HIPK1: variants seen among roughly 807,000 people sequenced by gnomAD.
HIPK1 encodes homeodomain-interacting protein kinase 1.
HIPK1 carries 28 observed loss-of-function variants against 117.1 expected under a neutral mutation model. The ratio of observed to expected loss-of-function variants is 0.24; its 90% confidence interval spans 0.18 to 0.33. The LOEUF (loss-of-function observed/expected upper bound fraction) is 0.33. Ranked by LOEUF, HIPK1 falls within the 10% of genes least tolerant of loss-of-function variation. The pLI, the probability that HIPK1 is intolerant of heterozygous loss-of-function variation, is 1.00. For missense variants in HIPK1, 1,122 were observed against 1,475.1 expected (o/e 0.76, Z 3.92); for synonymous variants, 605 against 562.5 (o/e 1.08, Z -1.07).
chr1:113,957,070 G>A, intron 6 of HIPK1, 54 bp from the exon 7 acceptor site: 1 of 1,398,678 alleles, frequency 7.1e-7, no homozygotes, highest in South Asian at 1.2e-5. Flanking sequence ...TGAGTTATTT[G>A]CTGTCTGTTT....
intron 1 of HIPK1, chr1:113,932,107 C>G (rs1669933703): frequency 6.6e-6 from 1 of 152,084 alleles, no homozygotes; most frequent in African/African-American, 2.4e-5. Context: ...TCCTAAATGC[C>G]TAATATATTC....
At chr1:113,949,999 G>A (rs1431362291) in intron 2 of HIPK1, among the ~76,000 whole-genome samples, 2 of 152,160 alleles carry the variant, frequency 1.3e-5, no homozygotes, top group Non-Finnish European at 2.9e-5. Flanking sequence ...GTGTAAGCCC[G>A]AAGAGGCCTG....
chr1:113,933,500 C>CTT (rs539972879), intron 1 of HIPK1, among the ~76,000 whole-genome samples: 1 of 147,208 alleles, frequency 6.8e-6, no homozygotes, highest in Non-Finnish European at 1.5e-5. Flanking sequence ...GATAGGTACA[C>CTT]TTTTTTTTTT....
At chr1:113,952,473 G>A (rs1671433125) in intron 2 of HIPK1, among the ~76,000 whole-genome samples, 1 of 152,028 alleles carries the variant, frequency 6.6e-6, no homozygotes, top group Admixed American at 6.5e-5. Context: ...TCCATGTTTT[G>A]TTGCAGAAAT....
Position 113,969,983 on chromosome 1 carries a change from C to T in HIPK1, c.2799C>T (p.Val933=). Residue 933 remains valine, a synonymous_variant, in exon 14 of 16, where the codon GTC becomes GTT. Transcript: ENST00000426820. The stretch of plus-strand genomic sequence containing the variant: ...CTGGACTGAAGCCAAGGTCTAATGT[C>T]ATCAGTTATGTCACTGTCAATGATT... ...SSSGLKPRSN[V]ISYVTVNDSP... 1 of 1,614,142 alleles carries T rather than the reference C, an allele frequency of 6.2e-7. No homozygotes were observed. The highest frequency in any genetic ancestry group is 8.5e-7 in the Non-Finnish European group (1 of 1,179,976).
rs567297615 is a variant in HIPK1 at position 113,950,702 on chromosome 1, C to T, written c.1077-2064C>T. Among the ~76,000 whole-genome samples, 8 of 152,214 alleles carry T rather than the reference C, an allele frequency of 5.3e-5. No homozygotes were observed. In the South Asian group the frequency reaches 1.4e-3, roughly 28 times the overall value. On this transcript the variant is annotated intron_variant, in intron 2 of 15. Coordinates refer to ENST00000426820, the MANE Select transcript of HIPK1 (RefSeq NM_198268.3). ...ATTTTTAGTAGAGATGGAGTTTCAC[C>T]GTGTTGACCAGGCTGTTCTCGAACT...
intron 8 of HIPK1, 147 bp downstream of exon 8, chr1:113,958,438 A>T (rs1671870492): frequency 1.2e-5 from 7 of 608,658 alleles, no homozygotes; most frequent in Admixed American, 3.2e-5. Context: ...CACAAAATGG[A>T]TTTTCTCTTT....
chr1:113,940,611 C>A lies in HIPK1; in HGVS notation c.228C>A (p.Leu76=). 6.2e-7 allele frequency: 1 copy of A among 1,614,232 alleles called. No homozygotes were observed. The highest frequency in any genetic ancestry group is 8.5e-7 in the Non-Finnish European group (1 of 1,180,046). ...CTGCTTACGACCAGGGCCTCCTCCT[C>A]CCAGCTCCTGCAGTGGAGCATATTG... The part of the protein sequence containing the change: ...NIPAYDQGLL[L]PAPAVEHIVV... The change falls in exon 2 of 16, where the codon CTC becomes CTA. Residue 76 remains leucine, a synonymous_variant. Coordinates refer to ENST00000426820, the MANE Select transcript of HIPK1 (RefSeq NM_198268.3).
At position 113,968,634 on chromosome 1, in the gene HIPK1, A is replaced by G. The variant is rs537300046; in HGVS notation, c.2757A>G (p.Lys919=). Reference sequence around the variant, plus strand: ...ACACTGATGAGGAAGAGGACAACAAATACAAGCCCAGTAGGTAAGATAAGT... The same window carrying G: ...ACACTGATGAGGAAGAGGACAACAAGTACAAGCCCAGTAGGTAAGATAAGT... ...RSDTDEEEDN[K]YKPSSSGLKP... The change falls in exon 13 of 16, where the codon AAA becomes AAG. Residue 919 remains lysine, a synonymous_variant. Transcript: ENST00000426820. 4.3e-5 allele frequency: 70 copies of G among 1,613,182 alleles called. No homozygotes were observed. The South Asian group carries it at 7.6e-4, about 17-fold the overall frequency.
chr1:113,958,422 T>C (rs1671869308), intron 8 of HIPK1, 131 bp downstream of exon 8: 1 of 632,532 alleles, frequency 1.6e-6, no homozygotes, highest in Non-Finnish European at 2.7e-6. Context: ...TAAAATTGGG[T>C]AATATCACAA....
At chr1:113,962,527 CTA>C in intron 9 of HIPK1, 89 bp downstream of exon 9, 1 of 1,286,930 alleles carries the variant, frequency 7.8e-7, no homozygotes, top group Non-Finnish European at 1.1e-6. Context: ...TTTCCTTTGA[CTA>C]TAAGATCTTT....
At chr1:113,931,948 G>A (rs1007886200) in intron 1 of HIPK1, among the ~76,000 whole-genome samples, 1 of 151,970 alleles carries the variant, frequency 6.6e-6, no homozygotes, top group Non-Finnish European at 1.5e-5. Flanking sequence ...TATTCCTCCC[G>A]TTATCTTCCC....
chr1:113,964,576 C>T (rs542058146), intron 10 of HIPK1, among the ~76,000 whole-genome samples: 1 of 152,314 alleles, frequency 6.6e-6, no homozygotes, highest in South Asian at 2.1e-4. Flanking sequence ...TTCAAAGTTG[C>T]TTTAAATTTC....
chr1:113,952,465 C>T (rs1356862154), intron 2 of HIPK1, among the ~76,000 whole-genome samples: 1 of 152,062 alleles, frequency 6.6e-6, no homozygotes, highest in Non-Finnish European at 1.5e-5. Context: ...ATGACTGTTC[C>T]ATGTTTTGTT....
chr1:113,940,550 C>A lies in HIPK1; in HGVS notation c.167C>A (p.Ala56Asp). ...SKTLPATQGQ[A>D]NSSHQVANFN... ...ACCCTCCCAGCCACACAAGGGCAAG[C>A]CAACTCCTCTCACCAGGTAGCAAAT... Residue 56 changes from alanine (A) to aspartate (D), a missense_variant, in exon 2 of 16, where the codon GCC becomes GAC. Ala to Asp is a moderately radical substitution (Grantham distance 126). This residue lies in a region of HIPK1 where 192 missense variants were observed against 234.0 expected (regional missense o/e 0.82). Coordinates refer to ENST00000426820, the MANE Select transcript of HIPK1 (RefSeq NM_198268.3). 7 of 1,614,162 alleles carry A rather than the reference C, an allele frequency of 4.3e-6. No individual in the cohort carries two copies. The highest frequency in any genetic ancestry group is 5.9e-6 in the Non-Finnish European group (7 of 1,180,036).
chr1:113,931,228 T>C lies in HIPK1; in HGVS notation c.-3+1696T>C, dbSNP rs1669876736. Among the ~76,000 whole-genome samples, 3 of 151,840 alleles carry C rather than the reference T, an allele frequency of 2.0e-5. No individual in the cohort carries two copies. In the South Asian group the frequency reaches 6.2e-4, roughly 31 times the overall value. ...CAAACTATTACTAGCTTTTTTCATA[T>C]GGAAGCCTAAAGCTTTCTATAAAAC... is the stretch of plus-strand genomic sequence containing the variant. On this transcript the variant is annotated intron_variant, in intron 1 of 15. Transcript: ENST00000426820.
At chr1:113,952,739 T>A (rs75152723) in intron 2 of HIPK1, 27 bp from the exon 3 acceptor site, 3 of 1,409,386 alleles carry the variant, frequency 2.1e-6, no homozygotes, top group South Asian at 1.7e-5. Flanking sequence ...TTTTTTTTTT[T>A]AATCTGATAT....
chr1:113,930,920 C>T lies in HIPK1; in HGVS notation c.-3+1388C>T, dbSNP rs191372639. 3.3e-5 allele frequency: 5 copies of T among 152,310 alleles called. No individual in the cohort carries two copies. In the East Asian group the frequency reaches 9.6e-4, roughly 29 times the overall value. The allele number at this position is 152,310 out of a possible 1,614,324, so 9.4% of individuals were successfully genotyped here. Reference sequence around the variant, plus strand: ...GTAGGTAGACTCATTTAGAGGCAGTCCTAGATGCTCTTTCTTGTCTATTAG... The same window carrying T: ...GTAGGTAGACTCATTTAGAGGCAGTTCTAGATGCTCTTTCTTGTCTATTAG... On this transcript the variant is annotated intron_variant, in intron 1 of 15. Coordinates refer to ENST00000426820, the MANE Select transcript of HIPK1 (RefSeq NM_198268.3).
At chr1:113,932,708 G>A (rs970130881) in intron 1 of HIPK1, among the ~76,000 whole-genome samples, 1 of 152,068 alleles carries the variant, frequency 6.6e-6, no homozygotes, top group Non-Finnish European at 1.5e-5. Flanking sequence ...CTCGGAATTA[G>A]GGGGTTTTAG....
Sources: gnomAD v4.1 joint callset for allele counts (sites outside exome capture counted in the v4.1 genomes callset) on GRCh38, gnomAD v4.1.1 for gene constraint, gnomAD v4.1.1 regional missense constraint, MANE v1.5 for transcripts, NCBI Gene and HGNC (gene_info 2026-07-23, HGNC 2026-07-21) for gene names.